Variants in TUBB3 observed in about 807,000 individuals in gnomAD.
The protein encoded by TUBB3 is tubulin beta-3 chain.
A neutral mutation model predicts 37.8 loss-of-function variants in TUBB3; 17 were observed. The ratio of observed to expected loss-of-function variants is 0.45; its 90% CI spans 0.31 to 0.67. The LOEUF is 0.67. Among genes scored for constraint, TUBB3 ranks in the 30% least tolerant of loss-of-function variants. TUBB3 has a pLI of 0.07. For synonymous variants in TUBB3, 332 were observed against 278.9 expected, an observed-to-expected ratio of 1.19 and a Z score of -1.90; for missense variants, 262 against 657.9, an observed-to-expected ratio of 0.40 and a Z score of 6.58.
chr16:89,934,470 C>T (rs2030384040), intron 3 of TUBB3: 1 of 626,260 alleles, frequency 1.6e-6, no homozygotes, highest in South Asian at 1.5e-5. Flanking sequence ...CCAGGATCCC[C>T]TCAGGAGGCA....
At chr16:89,923,302 GGGCCGCGGCTATAAGAGCGCGC>G (rs1461250599), upstream of TUBB3, 12 of 1,029,960 alleles carry the variant, frequency 1.2e-5, no homozygotes, top group South Asian at 2.5e-5. Context: ...GCGAAGGGCG[GGGCCGCGGCTATAAGAGCGCGC>G]GGCCGCGGTC....
chr16:89,930,463 G>A lies in TUBB3; in HGVS notation c.58-2108G>A, dbSNP rs142552064. On this transcript the variant is annotated intron_variant, in intron 1 of 3. Transcript: ENST00000315491. ...CTATGAGACAGAGTCTCACTCTGTC[G>A]CCCACGCTGGAGTACAGTGGTGCAA... Among the ~76,000 whole-genome samples the A allele has an allele frequency of 8.3e-4, 126 of 151,764 alleles. 1 individual carries two copies. The East Asian group carries it at 0.022, about 27-fold the overall frequency.
At chr16:89,930,027 CCTTCCTTCCTT>C (rs2030225906) in intron 1 of TUBB3, among the ~76,000 whole-genome samples, 2 of 95,864 alleles carry the variant, frequency 2.1e-5, no homozygotes, top group African/African-American at 1.0e-4. Context: ...TTCCTTCCTT[CCTTCCTTCCTT>C]CCTTCCTTCC....
At chr16:89,923,497 C>T in intron 1 of TUBB3, 39 bp downstream of exon 1, 2 of 1,402,528 alleles carry the variant, frequency 1.4e-6, no homozygotes, top group Non-Finnish European at 9.3e-7. Flanking sequence ...GGCCCCGGGG[C>T]GGGAGGAGGG....
At chr16:89,934,357 C>T (rs1567764693) in intron 3 of TUBB3, 1 of 496,116 alleles carries the variant, frequency 2.0e-6, no homozygotes. Context: ...TGCCAACTCG[C>T]ATCCAGCCCC....
At chr16:89,924,137 G>A (rs1050136440) in intron 1 of TUBB3, among the ~76,000 whole-genome samples, 2 of 152,224 alleles carry the variant, frequency 1.3e-5, no homozygotes, top group Non-Finnish European at 2.9e-5. Flanking sequence ...TTGGATGTGG[G>A]AACAAAGCCG....
intron 3 of TUBB3, chr16:89,934,479 C>T (rs763690296): frequency 4.7e-6 from 3 of 631,782 alleles, no homozygotes; most frequent in East Asian, 3.1e-5. Context: ...CCTCAGGAGG[C>T]AGAGCCTCGC....
chr16:89,928,903 C>T (rs1292535798), intron 1 of TUBB3, among the ~76,000 whole-genome samples: 2 of 151,860 alleles, frequency 1.3e-5, no homozygotes, highest in Non-Finnish European at 2.9e-5. Context: ...ACCTCGTGAT[C>T]CACCCGCCTT....
intron 2 of TUBB3, 89 bp from the exon 3 acceptor site, chr16:89,933,379 G>T: frequency 9.3e-7 from 1 of 1,075,602 alleles, no homozygotes; most frequent in Non-Finnish European, 1.5e-6. Context: ...TGAGCAGGAG[G>T]ATGGCAGGCG....
rs7191944 is a variant in TUBB3, at chr16:89,927,470, C to A, written c.57+4012C>A. Among the ~76,000 whole-genome samples, 98 of 151,952 alleles carry A rather than the reference C, an allele frequency of 6.4e-4. 1 individual carries two copies. The highest frequency in any genetic ancestry group is 2.3e-3 in the African/African-American group (95 of 41,448). ...TAACTACAAAAGCAATTAATATATT[C>A]TCCTGGTTAAAAAAAACCTTAAATA... On this transcript the variant is annotated intron_variant, in intron 1 of 3. Coordinates refer to ENST00000315491, the MANE Select transcript of TUBB3 (RefSeq NM_006086.4).
chr16:89,932,181 T>C, intron 1 of TUBB3: 1 of 336,696 alleles, frequency 3.0e-6, no homozygotes, highest in East Asian at 7.7e-5. Context: ...CTACCCGCTC[T>C]GTGTCTCAGT....
intron 1 of TUBB3, 50 bp downstream of exon 1, chr16:89,923,508 A>C: frequency 2.2e-6 from 3 of 1,369,050 alleles, no homozygotes; most frequent in Non-Finnish European, 2.8e-6. Flanking sequence ...GGGAGGAGGG[A>C]GGCGCCGTGC....
chr16:89,932,250 G>T, intron 1 of TUBB3: 1 of 440,188 alleles, frequency 2.3e-6, no homozygotes, highest in Non-Finnish European at 4.2e-6. Flanking sequence ...TATTACCAAT[G>T]CCCTTCATGG....
chr16:89,934,662 C>A, intron 3 of TUBB3, 67 bp from the exon 4 acceptor site: 1 of 1,510,530 alleles, frequency 6.6e-7, no homozygotes, highest in South Asian at 1.1e-5. Flanking sequence ...GATGTTCAGG[C>A]AGGGGCTGGA....
rs200974477 is a variant in TUBB3 at position 89,932,537 on chromosome 16, G to A, written c.58-34G>A. ...AAGGGCCTGGCTGGGGCTATGGGCC[G>A]GTGCCGACCCCCCCTCTCCCACTTT... On this transcript the variant is annotated intron_variant, in intron 1 of 3. Transcript: ENST00000315491. 1.3e-5 allele frequency: 20 copies of A among 1,580,508 alleles called. 1 individual carries two copies. Among genetic ancestry groups the A allele is most frequent in the South Asian group, 8.9e-5 (8 of 90,380 alleles).
chr16:89,927,380 A>T (rs2144405689), intron 1 of TUBB3, among the ~76,000 whole-genome samples: 1 of 151,762 alleles, frequency 6.6e-6, no homozygotes, highest in South Asian at 2.1e-4. Flanking sequence ...GCAAGACCCT[A>T]TCTAAAAAAA....
At chr16:89,924,024 G>A (rs1159528079) in intron 1 of TUBB3, among the ~76,000 whole-genome samples, 3 of 152,200 alleles carry the variant, frequency 2.0e-5, no homozygotes, top group Non-Finnish European at 4.4e-5. Flanking sequence ...GCCTGGACTC[G>A]AGATGACCTT....
In TUBB3 at chr16:89,935,508, G is replaced by A. The variant is rs1597425155; in HGVS notation, c.1057G>A (p.Val353Met). Residue 353 changes from valine (V) to methionine (M), a missense_variant, in exon 4 of 4, where the codon GTG (valine) becomes ATG (methionine). Transcript: ENST00000315491. ...EWIPNNVKVA[V>M]CDIPPRGLKM... ...GATCCCCAACAACGTGAAGGTGGCC[G>A]TGTGTGACATCCCGCCCCGCGGCCT... 2 of 1,614,224 alleles carry A rather than the reference G, an allele frequency of 1.2e-6. No individual in the cohort carries two copies. The highest frequency in any genetic ancestry group is 8.5e-7 in the Non-Finnish European group (1 of 1,180,052).
chr16:89,934,479 C>A, intron 3 of TUBB3: 1 of 631,782 alleles, frequency 1.6e-6, no homozygotes, highest in East Asian at 3.1e-5. Flanking sequence ...CCTCAGGAGG[C>A]AGAGCCTCGC....
Sources: gnomAD v4.1 joint callset for allele counts (sites outside exome capture counted in the v4.1 genomes callset) on GRCh38, gnomAD v4.1.1 for gene constraint, MANE v1.5 for transcripts, NCBI Gene and HGNC (gene_info 2026-07-23, HGNC 2026-07-21) for gene names.